Variants in MOCS1 observed in about 807,000 individuals in gnomAD.
MOCS1 encodes molybdenum cofactor synthesis 1, also known as molybdenum cofactor biosynthesis protein 1.
A neutral mutation model predicts 57.6 loss-of-function variants in MOCS1; 39 were observed. The ratio of observed to expected loss-of-function variants is 0.68; its 90% CI spans 0.52 to 0.88. The LOEUF (loss-of-function observed/expected upper bound fraction) is 0.88. Ranked by LOEUF, MOCS1 falls within the 40% of genes least tolerant of loss-of-function variation. The pLI is 0.00. For missense variants in MOCS1, 795 were observed against 831.1 expected (o/e 0.96, Z 0.53); for synonymous variants, 334 against 335.7 (o/e 1.00, Z 0.05).
At chr6:39,927,694 T>A in intron 1 of MOCS1, 3 of 1,539,558 alleles carry the variant, frequency 1.9e-6, no homozygotes, top group Non-Finnish European at 2.6e-6. Flanking sequence ...CGGATGGTGA[T>A]CTCTACTGGG....
At chr6:39,927,636 T>A in intron 1 of MOCS1, 181 bp from the exon 2 acceptor site, 1 of 1,591,812 alleles carries the variant, frequency 6.3e-7, no homozygotes, top group Non-Finnish European at 8.5e-7. Context: ...AGAAATCAGC[T>A]TGATGGGAAG....
chr6:39,927,848 A>G lies in MOCS1; in HGVS notation c.124-393T>C, dbSNP rs544946669. ...TGAGAAGAGACTGCTGAAGGCCACA[A>G]GCAAGGCCCAAACCCGTCCTGCAGA... On this transcript the variant is annotated intron_variant, in intron 1 of 10. Transcript: ENST00000340692. 28 of 951,758 alleles carry G rather than the reference A, an allele frequency of 2.9e-5. No individual in the cohort carries two copies. In the African/African-American group the frequency reaches 3.0e-4, roughly 10 times the overall value. The allele number at this position is 951,758 out of a possible 1,614,324, so 59.0% of individuals were successfully genotyped here.
At chr6:39,933,753 A>G (rs1051584248) in intron 1 of MOCS1, among the ~76,000 whole-genome samples, 1 of 152,108 alleles carries the variant, frequency 6.6e-6, no homozygotes, top group Non-Finnish European at 1.5e-5. Flanking sequence ...GCTCTAGGAT[A>G]AGGCTGAACC....
chr6:39,906,640 G>A lies in MOCS1; in HGVS notation c.1628C>T (p.Ala543Val), dbSNP rs886061388. 1 of 1,613,888 alleles carries A rather than the reference G, an allele frequency of 6.2e-7. No individual in the cohort carries two copies. The highest frequency in any genetic ancestry group is 1.7e-5 in the Admixed American group (1 of 60,038). Residue 543 changes from alanine (A) to valine (V), a missense_variant, in exon 11 of 11, where the codon GCA (alanine) becomes GTA (valine). Physicochemically the swap from Ala to Val is moderately conservative, Grantham distance 64. Around this residue, in one of 3 missense-constraint regions of MOCS1, gnomAD observed 374 missense variants for 422.6 expected, o/e 0.89. Transcript: ENST00000340692. ...GATCAGCTGGCTGGTCACCTTGGCT[G>A]CCTGGACTCCAGCCAGCTGGGCCAC... ...LVVAQLAGVQAAKVTSQLIPL... is the reference protein window; with the variant it reads ...LVVAQLAGVQVAKVTSQLIPL...
chr6:39,910,556 C>T (rs964005041), intron 8 of MOCS1, among the ~76,000 whole-genome samples: 1 of 152,234 alleles, frequency 6.6e-6, no homozygotes, highest in Non-Finnish European at 1.5e-5. Flanking sequence ...CCCCAGAAAT[C>T]AATATACCTA....
intron 3 of MOCS1, among the ~76,000 whole-genome samples, chr6:39,923,560 A>G (rs1768096426): frequency 6.6e-6 from 1 of 152,242 alleles, no homozygotes; most frequent in African/African-American, 2.4e-5. Context: ...AGGGAGAGGA[A>G]GTGGCCTGGA....
chr6:39,920,606 G>C (rs1282098716), intron 3 of MOCS1, among the ~76,000 whole-genome samples: 2 of 152,154 alleles, frequency 1.3e-5, no homozygotes, highest in African/African-American at 4.8e-5. Flanking sequence ...TTTTACTTGA[G>C]TCAAAAACAA....
At chr6:39,925,041 C>G (rs1419511309) in intron 3 of MOCS1, among the ~76,000 whole-genome samples, 2 of 152,186 alleles carry the variant, frequency 1.3e-5, no homozygotes, top group Admixed American at 1.3e-4. Context: ...GATCCTGCCA[C>G]TGCACTCTAG....
In MOCS1 at chr6:39,905,642, G is replaced by A. The variant is rs749271572; in HGVS notation, c.*715C>T. 2.1e-6 allele frequency: 1 copy of A among 471,216 alleles called. No homozygotes were observed. The highest frequency in any genetic ancestry group is 4.4e-6 in the Non-Finnish European group (1 of 227,066). The allele number at this position is 471,216 out of a possible 1,614,324, so 29.2% of individuals were successfully genotyped here. On this transcript the variant is annotated 3_prime_UTR_variant, in exon 11 of 11. Coordinates refer to ENST00000340692, the MANE Select transcript of MOCS1 (RefSeq NM_001358530.2). ...GGGGTGGGTGGAACAGCCGTGAACA[G>A]GGCCAGGTGTGGGCTGTGTGGTCTG...
chr6:39,924,069 G>A (rs902756663), intron 3 of MOCS1, among the ~76,000 whole-genome samples: 3 of 152,192 alleles, frequency 2.0e-5, no homozygotes, highest in Non-Finnish European at 4.4e-5. Context: ...CATGAGCAAA[G>A]GTCTCTTTCC....
Position 39,934,327 on chromosome 6 carries a change from A to G in MOCS1, c.91T>C (p.Cys31Arg). The G allele has an allele frequency of 6.4e-7, 1 of 1,550,416 alleles. No homozygotes were observed. The highest frequency in any genetic ancestry group is 8.7e-7 in the Non-Finnish European group (1 of 1,152,490). The change falls in exon 1 of 11, where the codon TGC (cysteine) becomes CGC (arginine). Residue 31 changes from cysteine to arginine, a missense_variant. Transcript: ENST00000340692. ...GCAGCTCGCGCGGACTCCCCGGGGC[A>G]GGGCTGGGTCACCGGAGCCCCTGAG... is the stretch of plus-strand genomic sequence containing the variant. ...CSSGAPVTQP[C>R]PGESARAASE... is the part of the protein sequence containing the mutation.
rs750923775 is a variant in MOCS1, at chr6:39,906,529, G to C, written c.1739C>G (p.Ser580Cys). Residue 580 changes from serine to cysteine, a missense_variant, in exon 11 of 11, where the codon TCT becomes TGT. Around this residue, in one of 3 missense-constraint regions of MOCS1, gnomAD observed 374 missense variants for 422.6 expected, o/e 0.89. Transcript: ENST00000340692. ...CCCGGTGGGGCCCCGAGCCCGGCAA[G>C]ATGCCTGGATCTTCACGGCATGGCG... ...STRHAVKIQA[S>C]CRARGPTGVE... 6 of 1,613,910 alleles carry C rather than the reference G, an allele frequency of 3.7e-6. No individual in the cohort carries two copies. The South Asian group carries it at 6.6e-5, about 18-fold the overall frequency.
chr6:39,923,825 G>A (rs1768113932), intron 3 of MOCS1, among the ~76,000 whole-genome samples: 1 of 152,216 alleles, frequency 6.6e-6, no homozygotes, highest in Admixed American at 6.5e-5. Flanking sequence ...ACAGCACCTA[G>A]GCTCCCCTTA....
intron 2 of MOCS1, 53 bp downstream of exon 2, chr6:39,927,276 G>A (rs764833970): frequency 3.8e-6 from 6 of 1,598,186 alleles, no homozygotes; most frequent in Non-Finnish European, 5.1e-6. Flanking sequence ...AATTTCAAGG[G>A]CTGCTTCAGC....
In MOCS1 at chr6:39,913,321, A is replaced by T. The variant is rs1027599846; in HGVS notation, c.753T>A (p.Phe251Leu). The T allele has an allele frequency of 6.2e-7, 1 of 1,613,830 alleles. No individual in the cohort carries two copies. The highest frequency in any genetic ancestry group is 8.5e-7 in the Non-Finnish European group (1 of 1,179,742). The change falls in exon 6 of 11, where the codon TTT becomes TTA. Residue 251 changes from phenylalanine to leucine, a missense_variant. Phe to Leu is a conservative substitution (Grantham distance 22). Transcript: ENST00000340692. ...LDVRFIEYMPFDGNKWNFKKM... is the reference protein window; with the variant it reads ...LDVRFIEYMPLDGNKWNFKKM... Reference sequence around the variant, plus strand: ...AACCCATCCCTGGTCACTGACCATCAAAGGGCATATACTCTATGAAGCGCA... The same window carrying T: ...AACCCATCCCTGGTCACTGACCATCTAAGGGCATATACTCTATGAAGCGCA...
At chr6:39,929,358 C>T (rs1205896269) in intron 1 of MOCS1, among the ~76,000 whole-genome samples, 1 of 152,102 alleles carries the variant, frequency 6.6e-6, no homozygotes. Context: ...AATCAAGAAT[C>T]CCATCAGCCA....
At chr6:39,911,174 C>T (rs964320467) in intron 8 of MOCS1, among the ~76,000 whole-genome samples, 1 of 152,192 alleles carries the variant, frequency 6.6e-6, no homozygotes, top group Non-Finnish European at 1.5e-5. Flanking sequence ...CCTGCCAAGA[C>T]CTCACAGATA....
At position 39,905,542 on chromosome 6, in the gene MOCS1, C is replaced by CTTTA. The variant is rs1254779631; in HGVS notation, c.*811_*814dup. 2.1e-6 allele frequency: 1 copy of CTTTA among 470,998 alleles called. No individual in the cohort carries two copies. Among genetic ancestry groups the CTTTA allele is most frequent in the East Asian group, 6.9e-5 (1 of 14,402 alleles). The allele number at this position is 470,998 out of a possible 1,614,324, so 29.2% of individuals were successfully genotyped here. Reference sequence around the variant, plus strand: ...TGCATCTGCAAAGTTGGCATCGTAGCTTTATTTGTGCGCTGTGAGGGTGAA... The same window carrying CTTTA: ...TGCATCTGCAAAGTTGGCATCGTAGCTTTATTTATTTGTGCGCTGTGAGGGTGAA... On this transcript the variant is annotated 3_prime_UTR_variant, in exon 11 of 11. Coordinates refer to ENST00000340692, the MANE Select transcript of MOCS1 (RefSeq NM_001358530.2).
In MOCS1 at chr6:39,912,356, A is replaced by T. The variant is rs1244375410; in HGVS notation, c.889T>A (p.Phe297Ile). ...GTGATGAAGCTGATCTGGCCTTGGA[A>T]GCCAGGGATTTTAAAGGCCTGGGCA... ...STAKAFKIPG[F>I]QGQISFITSM... The change falls in exon 8 of 11, where the codon TTC becomes ATC. Residue 297 changes from phenylalanine (F) to isoleucine (I), a missense_variant. Coordinates refer to ENST00000340692, the MANE Select transcript of MOCS1 (RefSeq NM_001358530.2). 6.2e-7 allele frequency: 1 copy of T among 1,614,128 alleles called. No homozygotes were observed. Among genetic ancestry groups the T allele is most frequent in the Admixed American group, 1.7e-5 (1 of 60,028 alleles).
Sources: allele counts gnomAD v4.1 joint callset (sites outside exome capture counted in the v4.1 genomes callset), GRCh38; gene constraint gnomAD v4.1.1; regional missense constraint gnomAD v4.1.1; transcripts MANE v1.5; gene names NCBI Gene and HGNC (gene_info 2026-07-23, HGNC 2026-07-21).